The following ZNF146 variants were observed in gnomAD, a reference collection of about 807,000 sequenced individuals.
ZNF146 encodes the protein zinc finger protein 146.
Under a neutral mutation model 22.2 loss-of-function variants are expected in ZNF146, and 9 were observed. That is an observed-to-expected ratio of 0.41 (90% CI 0.24 to 0.71). The LOEUF (loss-of-function observed/expected upper bound fraction) is 0.71. Among genes scored for constraint, ZNF146 ranks in the 30% least tolerant of loss-of-function variants. ZNF146 has a pLI of 0.34. For missense variants in ZNF146, 194 were observed against 344.8 expected (o/e 0.56, Z 3.46); for synonymous variants, 108 against 119.2 (o/e 0.91, Z 0.61).
chr19:36,229,583 G>C (rs531745052), intron 3 of ZNF146, among the ~76,000 whole-genome samples: 11 of 152,248 alleles, frequency 7.2e-5, no homozygotes, highest in Admixed American at 1.3e-4. Flanking sequence ...GAATAAGCCA[G>C]TATATTATAT....
intron 3 of ZNF146, among the ~76,000 whole-genome samples, chr19:36,232,063 C>T (rs531543360): frequency 1.3e-5 from 2 of 151,974 alleles, no homozygotes; most frequent in African/African-American, 2.4e-5. Flanking sequence ...ACTAGCTGGG[C>T]GTGGTGATGC....
In ZNF146 at chr19:36,227,406, AT is replaced by A. The variant is rs1231638601; in HGVS notation, c.-854-1331del. 1.7e-3 allele frequency among the ~76,000 whole-genome samples: 236 copies of A among 139,624 alleles called. 4 individuals carry two copies. Among genetic ancestry groups the A allele is most frequent in the African/African-American group, 2.4e-3 (90 of 38,000 alleles). 91.6% of individuals were successfully genotyped at this position (139,624 alleles called of 152,430 possible). ...CTCTGTCACAAAAAAAAAAAAAAAG[AT>A]TTTTTTTTTTCTTTTGGAGTGCAGT... On this transcript the variant is annotated intron_variant, in intron 2 of 3. Transcript: ENST00000443387.
At chr19:36,230,114 G>T (rs1167859102) in intron 3 of ZNF146, among the ~76,000 whole-genome samples, 1 of 152,140 alleles carries the variant, frequency 6.6e-6, no homozygotes, top group Non-Finnish European at 1.5e-5. Flanking sequence ...TGTTTATATT[G>T]CTTTGCAGAA....
intron 2 of ZNF146, among the ~76,000 whole-genome samples, chr19:36,225,195 G>A (rs919900104): frequency 6.6e-6 from 1 of 152,164 alleles, no homozygotes; most frequent in Non-Finnish European, 1.5e-5. Context: ...GTGGGAGTGT[G>A]AGCAGAAAGA....
chr19:36,238,385 G>A lies in ZNF146; in HGVS notation c.*1066G>A, dbSNP rs1977722266. On this transcript the variant is annotated 3_prime_UTR_variant, in exon 4 of 4. Transcript: ENST00000443387. ...TGATAGTGGTCACCTGTGAAGAGTGGAGAAGGGAAAATAATGAGTGTGGGA... is the reference window on the plus strand; with the variant it reads ...TGATAGTGGTCACCTGTGAAGAGTGAAGAAGGGAAAATAATGAGTGTGGGA... 1 of 167,208 alleles carries A rather than the reference G, an allele frequency of 6.0e-6. No homozygotes were observed. Among genetic ancestry groups the A allele is most frequent in the African/African-American group, 2.4e-5 (1 of 41,578 alleles). The allele number at this position is 167,208 out of a possible 1,614,324, so 10.4% of individuals were successfully genotyped here.
In ZNF146 at chr19:36,237,615, C is replaced by G. The variant is rs1366012867; in HGVS notation, c.*296C>G. On this transcript the variant is annotated 3_prime_UTR_variant, in exon 4 of 4. Transcript: ENST00000443387. ...GTTTTTTATTGCTACCACCATAGAT[C>G]TGGAGATCTTCGCCAGTAACAAGAA... is the stretch of plus-strand genomic sequence containing the variant. 3.9e-6 allele frequency: 1 copy of G among 255,918 alleles called. No individual in the cohort carries two copies. The highest frequency in any genetic ancestry group is 8.0e-6 in the Non-Finnish European group (1 of 125,254). The allele number at this position is 255,918 out of a possible 1,614,324, so 15.9% of individuals were successfully genotyped here.
At chr19:36,221,235 A>G (rs1976821278) in intron 2 of ZNF146, among the ~76,000 whole-genome samples, 1 of 151,768 alleles carries the variant, frequency 6.6e-6, no homozygotes, top group African/African-American at 2.4e-5. Context: ...TTATGTTACT[A>G]AATTAACATA....
chr19:36,226,374 C>T (rs1332487650), intron 2 of ZNF146, among the ~76,000 whole-genome samples: 2 of 152,184 alleles, frequency 1.3e-5, no homozygotes, highest in Non-Finnish European at 2.9e-5. Context: ...GGTGATCAAG[C>T]TTTTTCAACA....
intron 3 of ZNF146, among the ~76,000 whole-genome samples, chr19:36,235,017 T>A (rs1436236826): frequency 6.6e-6 from 1 of 152,090 alleles, no homozygotes; most frequent in Non-Finnish European, 1.5e-5. Context: ...GAGGAAGCAC[T>A]TGTTGGTTGA....
In ZNF146 at chr19:36,237,576, G is replaced by T; in HGVS notation, c.*257G>T. On this transcript the variant is annotated 3_prime_UTR_variant, in exon 4 of 4. Transcript: ENST00000443387. ...CACATTTTCACTAAAAGTGGGAACAGAAAATGGAGGCCTGTTTTTTATTGC... is the reference window on the plus strand; with the variant it reads ...CACATTTTCACTAAAAGTGGGAACATAAAATGGAGGCCTGTTTTTTATTGC... 1 of 314,558 alleles carries T rather than the reference G, an allele frequency of 3.2e-6. No homozygotes were observed. The highest frequency in any genetic ancestry group is 6.1e-6 in the Non-Finnish European group (1 of 164,276). The allele number at this position is 314,558 out of a possible 1,614,324, so 19.5% of individuals were successfully genotyped here. A position where few individuals can be genotyped will look rare whatever the true frequency, so the allele number is the denominator to read the frequency against.
intron 3 of ZNF146, among the ~76,000 whole-genome samples, chr19:36,230,836 C>G (rs930372351): frequency 6.6e-6 from 1 of 152,144 alleles, no homozygotes; most frequent in Non-Finnish European, 1.5e-5. Flanking sequence ...GAGTCTTGCT[C>G]TGTCACCCAG....
intron 3 of ZNF146, among the ~76,000 whole-genome samples, chr19:36,229,539 G>A (rs943851336): frequency 1.1e-4 from 16 of 152,038 alleles, no homozygotes; most frequent in African/African-American, 3.1e-4. Context: ...TCACGTTTAC[G>A]CGTGTCACGT....
At chr19:36,217,911 A>C (rs1218065709) in intron 1 of ZNF146, among the ~76,000 whole-genome samples, 1 of 151,646 alleles carries the variant, frequency 6.6e-6, no homozygotes, top group African/African-American at 2.4e-5. Context: ...AATTCAAAAG[A>C]TACATACGAA....
At chr19:36,221,284 C>CTTTTTTTTTTT (rs74172797) in intron 2 of ZNF146, among the ~76,000 whole-genome samples, 1 of 98,700 alleles carries the variant, frequency 1.0e-5, no homozygotes, top group Non-Finnish European at 1.9e-5. Flanking sequence ...TAAGGGACTG[C>CTTTTTTTTTTT]TTTTTTTTTT....
In ZNF146 at chr19:36,236,349, G is replaced by A. The variant is rs1977643166; in HGVS notation, c.-92G>A. The A allele has an allele frequency of 5.6e-6, 8 of 1,433,288 alleles. No homozygotes were observed. Among genetic ancestry groups the A allele is most frequent in the Non-Finnish European group, 5.6e-6 (6 of 1,063,832 alleles). 88.8% of individuals were successfully genotyped at this position (1,433,288 alleles called of 1,614,324 possible). On this transcript the variant is annotated 5_prime_UTR_variant, in exon 4 of 4. It adds an upstream start codon to the 5' untranslated region. Coordinates refer to ENST00000443387, the MANE Select transcript of ZNF146 (RefSeq NM_007145.3). Reference sequence around the variant, plus strand: ...GAGAAGCCTTATAAATGTAAGAGATGTGGAAATATCTTCAGCCAAAAGTAA... The same window carrying A: ...GAGAAGCCTTATAAATGTAAGAGATATGGAAATATCTTCAGCCAAAAGTAA...
chr19:36,231,276 C>T lies in ZNF146; in HGVS notation c.-783+2457C>T, dbSNP rs181549835. On this transcript the variant is annotated intron_variant, in intron 3 of 3. Transcript: ENST00000443387. Reference sequence around the variant, plus strand: ...CCAGGTTGGAGTGCGGTGGTGCCATCGTGGCTCACCGCAGCCTCTGCCTCC... The same window carrying T: ...CCAGGTTGGAGTGCGGTGGTGCCATTGTGGCTCACCGCAGCCTCTGCCTCC... 8.3e-4 allele frequency among the ~76,000 whole-genome samples: 127 copies of T among 152,196 alleles called. 1 individual carries two copies. Among genetic ancestry groups the T allele is most frequent in the African/African-American group, 2.8e-3 (117 of 41,530 alleles).
intron 1 of ZNF146, among the ~76,000 whole-genome samples, chr19:36,216,667 T>C (rs1396816251): frequency 1.3e-5 from 2 of 151,664 alleles, no homozygotes; most frequent in African/African-American, 4.8e-5. Flanking sequence ...ATAATAGTAA[T>C]AATGTGATCC....
At chr19:36,233,850 C>T (rs890502705) in intron 3 of ZNF146, among the ~76,000 whole-genome samples, 9 of 152,180 alleles carry the variant, frequency 5.9e-5, no homozygotes, top group Non-Finnish European at 1.5e-5. Flanking sequence ...CAGATGCCTT[C>T]CTCTTATCTC....
At chr19:36,222,267 T>C (rs1976879950) in intron 2 of ZNF146, among the ~76,000 whole-genome samples, 1 of 152,210 alleles carries the variant, frequency 6.6e-6, no homozygotes, top group South Asian at 2.1e-4. Context: ...AAATTTTTTT[T>C]TCAGCTGCTG....
Sources: gnomAD v4.1 joint callset for allele counts (sites outside exome capture counted in the v4.1 genomes callset) on GRCh38, gnomAD v4.1.1 for gene constraint, MANE v1.5 for transcripts, NCBI Gene and HGNC (gene_info 2026-07-23, HGNC 2026-07-21) for gene names.